SCML4: variants seen among roughly 807,000 people sequenced by gnomAD.
SCML4 encodes sex comb on midleg-like protein 4.
A neutral mutation model predicts 41.1 loss-of-function variants in SCML4; 34 were observed. The observed-to-expected ratio is 0.83, with a 90% confidence interval of 0.63 to 1.10. SCML4 has a LOEUF of 1.10. Ranked by LOEUF, SCML4 falls within the 50% of genes least tolerant of loss-of-function variation. The pLI is 0.00. For synonymous variants in SCML4, 214 were observed against 220.9 expected, an observed-to-expected ratio of 0.97 and a Z score of 0.28; for missense variants, 522 against 534.1, an observed-to-expected ratio of 0.98 and a Z score of 0.22.
chr6:107,747,571 A>G (rs1231398651), intron 3 of SCML4, among the ~76,000 whole-genome samples: 1 of 150,222 alleles, frequency 6.7e-6, no homozygotes, highest in Admixed American at 6.6e-5. Context: ...TTTTTACAGG[A>G]AAGTATCTAA....
At chr6:107,827,796 G>A (rs1010955896), upstream of SCML4, among the ~76,000 whole-genome samples, 1 of 152,182 alleles carries the variant, frequency 6.6e-6, no homozygotes, top group African/African-American at 2.4e-5. Flanking sequence ...TTAATTTGGG[G>A]GCGTCCCAAA....
the SCML4 span, among the ~76,000 whole-genome samples, chr6:107,843,481 G>GTACCCTTT: frequency 6.6e-6 from 1 of 152,082 alleles, no homozygotes; most frequent in Admixed American, 6.6e-5. Context: ...TTTCAGTAAA[G>GTACCCTTT]TACCCTTTGA....
At chr6:107,707,723 T>G in intron 7 of SCML4, 143 bp downstream of exon 7, 1 of 914,850 alleles carries the variant, frequency 1.1e-6, no homozygotes, top group Non-Finnish European at 1.7e-6. Flanking sequence ...CATCTCTGGC[T>G]CCCTTGAGGG....
At chr6:107,826,546 G>A (rs529365464), upstream of SCML4, among the ~76,000 whole-genome samples, 8 of 152,278 alleles carry the variant, frequency 5.3e-5, no homozygotes, top group East Asian at 1.4e-3. Flanking sequence ...TCCAAGTCCT[G>A]TAAAAGAAGT....
At chr6:107,844,490 G>A in the SCML4 span, among the ~76,000 whole-genome samples, 1 of 152,216 alleles carries the variant, frequency 6.6e-6, no homozygotes, top group South Asian at 2.1e-4. Flanking sequence ...TTGAGGCCAG[G>A]AGTTGGAGAT....
intron 5 of SCML4, among the ~76,000 whole-genome samples, chr6:107,722,709 G>A (rs182497786): frequency 1.7e-4 from 26 of 152,264 alleles, no homozygotes; most frequent in African/African-American, 6.0e-4. Context: ...ATTTTATTAG[G>A]GAAGCTAGCA....
chr6:107,833,132 G>T, the SCML4 span, among the ~76,000 whole-genome samples: 1 of 152,324 alleles, frequency 6.6e-6, no homozygotes, highest in South Asian at 2.1e-4. Flanking sequence ...AGCCCTGTAA[G>T]TTGGTCATAT....
chr6:107,723,522 C>A (rs1415514252), intron 5 of SCML4, among the ~76,000 whole-genome samples: 1 of 152,228 alleles, frequency 6.6e-6, no homozygotes, highest in Middle Eastern at 3.4e-3. Flanking sequence ...AAGTAGGGAA[C>A]CATCTGTTCT....
At chr6:107,751,750 C>T (rs1397883561) in intron 2 of SCML4, among the ~76,000 whole-genome samples, 1 of 151,926 alleles carries the variant, frequency 6.6e-6, no homozygotes, top group Non-Finnish European at 1.5e-5. Flanking sequence ...ATTCTCCTGC[C>T]TCAGCCTCCC....
intron 6 of SCML4, among the ~76,000 whole-genome samples, chr6:107,714,268 C>T (rs1366690991): frequency 2.6e-5 from 4 of 152,192 alleles, no homozygotes; most frequent in Middle Eastern, 3.2e-3. Context: ...GAGATTCCTT[C>T]TTGGCCACCA....
At chr6:107,801,592 C>G (rs544868629) in intron 1 of SCML4, among the ~76,000 whole-genome samples, 101 of 152,246 alleles carry the variant, frequency 6.6e-4, no homozygotes, top group Non-Finnish European at 1.3e-3. Flanking sequence ...TTTCCCAAGT[C>G]CAAATGTCTT....
At chr6:107,819,234 C>G (rs1784774647) in intron 1 of SCML4, among the ~76,000 whole-genome samples, 1 of 46,520 alleles carries the variant, frequency 2.1e-5, no homozygotes, top group African/African-American at 4.7e-5. Flanking sequence ...GATTTAGACC[C>G]AGCCAAGTTG....
intron 2 of SCML4, among the ~76,000 whole-genome samples, chr6:107,756,081 C>A (rs554965642): frequency 6.6e-6 from 1 of 152,318 alleles, no homozygotes; most frequent in Non-Finnish European, 1.5e-5. Flanking sequence ...AAACAACTCT[C>A]CCATGCATAA....
the SCML4 span, among the ~76,000 whole-genome samples, chr6:107,843,159 CAG>C: frequency 6.6e-6 from 1 of 152,136 alleles, no homozygotes. Context: ...AAATTCATGA[CAG>C]ATACCAAACC....
chr6:107,814,487 C>G (rs7756672), intron 1 of SCML4, among the ~76,000 whole-genome samples: 8,185 of 152,282 alleles, frequency 0.054, 746 homozygotes, highest in African/African-American at 0.18. Flanking sequence ...ATCACAGTCC[C>G]TCAGTAGTGT....
At chr6:107,795,311 T>C (rs2114621753) in intron 1 of SCML4, among the ~76,000 whole-genome samples, 1 of 152,338 alleles carries the variant, frequency 6.6e-6, no homozygotes, top group South Asian at 2.1e-4. Flanking sequence ...TATTGCCATT[T>C]TTTTTAACCT....
At chr6:107,841,773 T>C in the SCML4 span, among the ~76,000 whole-genome samples, 7 of 152,228 alleles carry the variant, frequency 4.6e-5, no homozygotes, top group African/African-American at 1.7e-4. Context: ...ACAGAGATCC[T>C]GGTTAGGAGA....
At chr6:107,821,145 A>G (rs866207492) in intron 1 of SCML4, among the ~76,000 whole-genome samples, 1 of 152,158 alleles carries the variant, frequency 6.6e-6, no homozygotes, top group African/African-American at 2.4e-5. Flanking sequence ...TAAAAGGGTA[A>G]TTTTTAAAGC....
At chr6:107,767,608 A>G (rs1780166998) in intron 2 of SCML4, among the ~76,000 whole-genome samples, 1 of 152,232 alleles carries the variant, frequency 6.6e-6, no homozygotes, top group East Asian at 1.9e-4. Context: ...TTACTTCAGC[A>G]AGCGAATTTT....
Sources: allele counts gnomAD v4.1 joint callset (sites outside exome capture counted in the v4.1 genomes callset), GRCh38; gene constraint gnomAD v4.1.1; transcripts MANE v1.5; gene names NCBI Gene and HGNC (gene_info 2026-07-23, HGNC 2026-07-21).